The following LPP variants were observed in gnomAD, a reference collection of about 807,000 sequenced individuals.
The protein encoded by LPP is LIM domain containing preferred translocation partner in lipoma, also known as lipoma-preferred partner.
LPP carries 38 observed loss-of-function variants against 60.4 expected under a neutral mutation model. The observed-to-expected ratio is 0.63, with a 90% CI of 0.49 to 0.83. The LOEUF (loss-of-function observed/expected upper bound fraction) is 0.83. Ranked by LOEUF, LPP falls within the 40% of genes least tolerant of loss-of-function variation. LPP has a pLI of 0.00. For missense variants in LPP, 902 were observed against 783.6 expected (o/e 1.15, Z -1.80); for synonymous variants, 328 against 290.8 (o/e 1.13, Z -1.30).
Position 188,369,590 on chromosome 3 carries a change from G to C in LPP, c.-10+27871G>C, listed in dbSNP as rs113679104. ...AAAGCATCTCATACATATGTGTAAG[G>C]CATTGTTATTATCAATAATAATAGC... On this transcript the variant is annotated intron_variant, in intron 3 of 11. Coordinates refer to ENST00000617246, the MANE Select transcript of LPP (RefSeq NM_001375462.1). Among the ~76,000 whole-genome samples, 315 of 152,236 alleles carry C rather than the reference G, an allele frequency of 2.1e-3. 2 individuals carry two copies. The highest frequency in any genetic ancestry group is 7.2e-3 in the African/African-American group (301 of 41,540).
chr3:188,265,875 G>GTGT (rs1735345538), intron 2 of LPP, among the ~76,000 whole-genome samples: 1 of 144,464 alleles, frequency 6.9e-6, no homozygotes, highest in African/African-American at 2.8e-5. Context: ...ACTCTGGTGT[G>GTGT]TGTGTGTGTG....
At chr3:188,523,010 C>T (rs774732487) in intron 5 of LPP, among the ~76,000 whole-genome samples, 1 of 151,744 alleles carries the variant, frequency 6.6e-6, no homozygotes, top group Non-Finnish European at 1.5e-5. Flanking sequence ...AGGGCTCAAG[C>T]TATTCTCCTG....
chr3:188,333,468 A>G (rs180763365), intron 2 of LPP, among the ~76,000 whole-genome samples: 166 of 152,358 alleles, frequency 1.1e-3, no homozygotes, highest in Admixed American at 1.4e-3. Context: ...GCAGTGAAGA[A>G]TAAAATCATT....
intron 4 of LPP, among the ~76,000 whole-genome samples, chr3:188,465,029 A>G (rs1370068409): frequency 1.3e-5 from 2 of 152,086 alleles, no homozygotes; most frequent in East Asian, 3.9e-4. Flanking sequence ...CACACAAAAC[A>G]AAGTAGAACA....
intron 9 of LPP, among the ~76,000 whole-genome samples, chr3:188,795,859 G>C (rs1354467698): frequency 6.6e-6 from 1 of 152,014 alleles, no homozygotes; most frequent in Non-Finnish European, 1.5e-5. Context: ...TTCTGCAGTG[G>C]TCTGATTTAT....
At chr3:188,702,368 G>A (rs1205349764) in intron 7 of LPP, among the ~76,000 whole-genome samples, 3 of 139,968 alleles carry the variant, frequency 2.1e-5, no homozygotes, top group Non-Finnish European at 4.6e-5. Context: ...GCTGTTGTAC[G>A]CAATTTATTC....
At chr3:188,225,893 A>C (rs1227961888) in intron 2 of LPP, among the ~76,000 whole-genome samples, 1 of 152,256 alleles carries the variant, frequency 6.6e-6, no homozygotes, top group East Asian at 1.9e-4. Context: ...GAAAGACCAA[A>C]ATGAAAATGT....
intron 7 of LPP, among the ~76,000 whole-genome samples, chr3:188,676,970 G>C (rs1858266118): frequency 6.6e-6 from 1 of 152,110 alleles, no homozygotes; most frequent in Non-Finnish European, 1.5e-5. Context: ...GCCACCTGGA[G>C]AGGTCCATGT....
intron 1 of LPP, among the ~76,000 whole-genome samples, chr3:188,166,981 G>A (rs982716122): frequency 4.6e-5 from 7 of 152,174 alleles, no homozygotes; most frequent in African/African-American, 9.7e-5. Context: ...CTTGCATTAC[G>A]TGGTTATCGC....
intron 9 of LPP, among the ~76,000 whole-genome samples, chr3:188,793,124 C>T (rs773666407): frequency 5.9e-5 from 9 of 151,384 alleles, no homozygotes; most frequent in East Asian, 3.9e-4. Flanking sequence ...TTACTTTGTA[C>T]GTATCAGTCT....
At chr3:188,229,045 C>T (rs1476549950) in intron 2 of LPP, among the ~76,000 whole-genome samples, 1 of 152,242 alleles carries the variant, frequency 6.6e-6, no homozygotes, top group African/African-American at 2.4e-5. Context: ...ACCTCTTCCT[C>T]CTCCGGGTTG....
chr3:188,179,854 C>A (rs7638087), intron 1 of LPP: 9,289 of 260,104 alleles, frequency 0.036, 209 homozygotes, highest in African/African-American at 0.059. Flanking sequence ...ATAATGGCAC[C>A]TTGAGGCCTT....
intron 5 of LPP, among the ~76,000 whole-genome samples, chr3:188,505,283 G>A (rs1379556511): frequency 6.6e-6 from 1 of 152,120 alleles, no homozygotes; most frequent in Non-Finnish European, 1.5e-5. Flanking sequence ...TTACTAAGCA[G>A]AACTAACTTC....
At chr3:188,666,956 T>C (rs1855919051) in intron 7 of LPP, among the ~76,000 whole-genome samples, 1 of 152,258 alleles carries the variant, frequency 6.6e-6, no homozygotes, top group African/African-American at 2.4e-5. Context: ...TTGTATTTTA[T>C]ATCTTTTATC....
intron 7 of LPP, among the ~76,000 whole-genome samples, chr3:188,683,327 T>C (rs1859943667): frequency 6.6e-6 from 1 of 152,132 alleles, no homozygotes; most frequent in Non-Finnish European, 1.5e-5. Flanking sequence ...CCCCTTTTCT[T>C]TCTCATAAAT....
intron 4 of LPP, among the ~76,000 whole-genome samples, chr3:188,425,884 C>G (rs1789179086): frequency 1.3e-5 from 2 of 152,162 alleles, no homozygotes; most frequent in South Asian, 4.1e-4. Context: ...TTTTGTTAAT[C>G]TTTTCAAAAC....
chr3:188,443,168 T>C (rs1294836706), intron 4 of LPP, among the ~76,000 whole-genome samples: 1 of 152,182 alleles, frequency 6.6e-6, no homozygotes, highest in Non-Finnish European at 1.5e-5. Context: ...GTACACATAA[T>C]ACTTGCAAAA....
intron 9 of LPP, among the ~76,000 whole-genome samples, chr3:188,865,768 A>G (rs1350616297): frequency 6.6e-6 from 1 of 152,120 alleles, no homozygotes; most frequent in Non-Finnish European, 1.5e-5. Flanking sequence ...CTATAATAGC[A>G]AAGTTGACTT....
At chr3:188,477,381 G>A (rs1803510773) in intron 4 of LPP, among the ~76,000 whole-genome samples, 1 of 152,186 alleles carries the variant, frequency 6.6e-6, no homozygotes, top group African/African-American at 2.4e-5. Flanking sequence ...TTGTCAGAGA[G>A]AAGGGCAGAG....
Sources: allele counts gnomAD v4.1 joint callset (sites outside exome capture counted in the v4.1 genomes callset), GRCh38; gene constraint gnomAD v4.1.1; transcripts MANE v1.5; gene names NCBI Gene and HGNC (gene_info 2026-07-23, HGNC 2026-07-21).